Variants in GALNT13 observed in about 807,000 individuals in gnomAD.
The protein encoded by GALNT13 is polypeptide N-acetylgalactosaminyltransferase 13.
In GALNT13, 28 loss-of-function variants were observed where a neutral mutation model predicts 64.2. The ratio of observed to expected loss-of-function variants is 0.44; its 90% CI spans 0.32 to 0.60. The LOEUF (loss-of-function observed/expected upper bound fraction) is 0.60, where lower values mean the gene tolerates loss of function less well. Among genes scored for constraint, GALNT13 ranks in the 20% least tolerant of loss-of-function variants. The probability of loss-of-function intolerance (pLI) is 0.05; values close to 1 mark genes in which losing one functional copy is unlikely to be tolerated. For synonymous variants in GALNT13, 214 were observed against 224.6 expected (o/e 0.95, Z 0.42); for missense variants, 577 against 669.8 (o/e 0.86, Z 1.53).
chr2:154,012,300 G>T (rs1285797264), intron 3 of GALNT13, among the ~76,000 whole-genome samples: 1 of 151,872 alleles, frequency 6.6e-6, no homozygotes, highest in African/African-American at 2.4e-5. Flanking sequence ...TGTCTGAAAA[G>T]AATTTTATTT....
chr2:153,567,704 C>G, the GALNT13 span, among the ~76,000 whole-genome samples: 1 of 151,980 alleles, frequency 6.6e-6, no homozygotes, highest in Admixed American at 6.5e-5. Flanking sequence ...AACTCGGTAA[C>G]GAGAACTGGG....
the GALNT13 span, among the ~76,000 whole-genome samples, chr2:153,651,430 A>G: frequency 1.3e-5 from 2 of 152,218 alleles, no homozygotes; most frequent in African/African-American, 4.8e-5. Flanking sequence ...AAAATAGCTC[A>G]ATGGCTTGGG....
At chr2:154,227,920 T>C (rs1156899406) in intron 4 of GALNT13, among the ~76,000 whole-genome samples, 4 of 152,104 alleles carry the variant, frequency 2.6e-5, no homozygotes, top group African/African-American at 9.7e-5. Flanking sequence ...CATCATTCTA[T>C]TTATTGAATT....
chr2:154,205,450 T>A (rs562692760), intron 4 of GALNT13, among the ~76,000 whole-genome samples: 1 of 152,206 alleles, frequency 6.6e-6, no homozygotes, highest in Admixed American at 6.5e-5. Flanking sequence ...AAAAAAAGAT[T>A]GTAAATTAGC....
In GALNT13 at chr2:154,242,075, A is replaced by G; in HGVS notation, c.357A>G (p.Val119=). ...VYPDELPNTS[V]VIVFHNEAWS... ...CTGATGAACTTCCAAACACAAGTGT[A>G]GTCATTGTGTTTCATAATGAAGCTT... Residue 119 remains valine (V), a synonymous_variant, in exon 5 of 13, where the codon GTA becomes GTG. Coordinates refer to ENST00000392825, the MANE Select transcript of GALNT13 (RefSeq NM_052917.4). 1.2e-6 allele frequency: 2 copies of G among 1,608,428 alleles called. No individual in the cohort carries two copies. Among genetic ancestry groups the G allele is most frequent in the Non-Finnish European group, 8.5e-7 (1 of 1,175,514 alleles).
the GALNT13 span, among the ~76,000 whole-genome samples, chr2:153,075,414 T>C: frequency 2.0e-5 from 3 of 152,216 alleles, no homozygotes; most frequent in South Asian, 2.1e-4. Context: ...TACATTTGTA[T>C]CTCACATACT....
chr2:153,770,416 T>C, the GALNT13 span, among the ~76,000 whole-genome samples: 2 of 152,196 alleles, frequency 1.3e-5, no homozygotes, highest in African/African-American at 4.8e-5. Context: ...AGTAGTCATG[T>C]TCTAGGCATA....
chr2:154,288,640 C>T (rs977432227), intron 8 of GALNT13, among the ~76,000 whole-genome samples: 1 of 152,208 alleles, frequency 6.6e-6, no homozygotes, highest in Non-Finnish European at 1.5e-5. Flanking sequence ...GGCCTACAGG[C>T]TTCATGCAAG....
the GALNT13 span, among the ~76,000 whole-genome samples, chr2:153,790,035 A>C: frequency 6.6e-6 from 1 of 152,146 alleles, no homozygotes; most frequent in African/African-American, 2.4e-5. Flanking sequence ...TCCTACTAAA[A>C]CTATTTCAAA....
At chr2:153,319,518 A>G in the GALNT13 span, among the ~76,000 whole-genome samples, 1 of 152,102 alleles carries the variant, frequency 6.6e-6, no homozygotes, top group African/African-American at 2.4e-5. Context: ...ACCTCAAGGA[A>G]TCCTCCTGCC....
chr2:154,015,851 A>G lies in GALNT13; in HGVS notation c.142+71212A>G, dbSNP rs574367607. On this transcript the variant is annotated intron_variant, in intron 3 of 12. Coordinates refer to ENST00000392825, the MANE Select transcript of GALNT13 (RefSeq NM_052917.4). ...ATCTACGTTCTTTCTTTAAATTTTA[A>G]AATTATATTTATCCTAATATTTTAC... Among the ~76,000 whole-genome samples, 141 of 152,252 alleles carry G rather than the reference A, an allele frequency of 9.3e-4. No individual in the cohort carries two copies. In the Middle Eastern group the frequency reaches 0.01, roughly 11 times the overall value.
chr2:153,657,061 C>A, the GALNT13 span, among the ~76,000 whole-genome samples: 1 of 151,988 alleles, frequency 6.6e-6, no homozygotes, highest in African/African-American at 2.4e-5. Context: ...AGTCTTATAG[C>A]GGTGTTGGGC....
At chr2:153,617,208 A>C in the GALNT13 span, among the ~76,000 whole-genome samples, 5 of 151,870 alleles carry the variant, frequency 3.3e-5, no homozygotes, top group African/African-American at 1.2e-4. Context: ...GTGTGTCATA[A>C]TTGGCTTTTA....
chr2:154,087,389 A>G (rs1701584917), intron 3 of GALNT13, among the ~76,000 whole-genome samples: 2 of 152,182 alleles, frequency 1.3e-5, no homozygotes, highest in East Asian at 1.9e-4. Flanking sequence ...CACTTATTAT[A>G]TCTTGATTAT....
At chr2:153,748,131 A>G in the GALNT13 span, among the ~76,000 whole-genome samples, 1 of 152,116 alleles carries the variant, frequency 6.6e-6, no homozygotes. Context: ...TTCATTTGGT[A>G]TATATTCCAC....
the GALNT13 span, among the ~76,000 whole-genome samples, chr2:153,743,766 T>C: frequency 6.6e-6 from 1 of 152,172 alleles, no homozygotes; most frequent in Admixed American, 6.5e-5. Context: ...ATAGTAAATC[T>C]TAGTCATTCT....
intron 3 of GALNT13, 109 bp from the exon 4 acceptor site, chr2:154,140,206 TCTTGATCATTATATTATAAAAC>T: frequency 1.6e-6 from 1 of 623,672 alleles, no homozygotes. Flanking sequence ...ATCAGTAAAA[TCTTGATCATTATATTATAAAAC>T]CTGTATGTAA....
At chr2:153,397,646 CAA>C in the GALNT13 span, among the ~76,000 whole-genome samples, 36 of 130,590 alleles carry the variant, frequency 2.8e-4, no homozygotes, top group Admixed American at 3.9e-4. Context: ...TCTATGAAGG[CAA>C]AAAAAAAAAA....
intron 3 of GALNT13, among the ~76,000 whole-genome samples, chr2:154,045,919 C>T (rs1699255550): frequency 6.6e-6 from 1 of 151,950 alleles, no homozygotes. Context: ...TTTTCTTTCT[C>T]TGTCTAGTAA....
Sources: gnomAD v4.1 joint callset for allele counts (sites outside exome capture counted in the v4.1 genomes callset) on GRCh38, gnomAD v4.1.1 for gene constraint, MANE v1.5 for transcripts, NCBI Gene and HGNC (gene_info 2026-07-23, HGNC 2026-07-21) for gene names.